ADAMTS12: variants seen among roughly 807,000 people sequenced by gnomAD.
ADAMTS12 encodes ADAM metallopeptidase with thrombospondin type 1 motif 12.
Under a neutral mutation model 167.8 loss-of-function variants are expected in ADAMTS12, and 118 were observed. The observed-to-expected ratio is 0.70, with a 90% CI of 0.61 to 0.82. ADAMTS12 has a LOEUF of 0.82. Among genes scored for constraint, ADAMTS12 ranks in the 40% least tolerant of loss-of-function variants. The pLI, the probability that ADAMTS12 is intolerant of heterozygous loss-of-function variation, is 0.00. For synonymous variants in ADAMTS12, 704 were observed against 716.9 expected, an observed-to-expected ratio of 0.98 and a Z score of 0.29; for missense variants, 1,916 against 1,998.8, an observed-to-expected ratio of 0.96 and a Z score of 0.79.
intron 2 of ADAMTS12, among the ~76,000 whole-genome samples, chr5:33,858,539 T>G (rs1053771272): frequency 2.6e-5 from 4 of 151,770 alleles, no homozygotes; most frequent in Non-Finnish European, 5.9e-5. Flanking sequence ...ACACCAGTAG[T>G]CGCAGCAACT....
chr5:33,805,938 AG>A (rs1747211864), intron 2 of ADAMTS12, among the ~76,000 whole-genome samples: 2 of 149,776 alleles, frequency 1.3e-5, no homozygotes, highest in Admixed American at 1.3e-4. Context: ...AAAAAAAAAA[AG>A]ACTTTGTAAA....
chr5:33,644,998 G>C (rs1740607252), intron 9 of ADAMTS12, among the ~76,000 whole-genome samples: 1 of 152,058 alleles, frequency 6.6e-6, no homozygotes, highest in Admixed American at 6.5e-5. Context: ...CCAAAGTGCT[G>C]GGATTACAGG....
At chr5:33,800,170 T>A (rs1446414680) in intron 2 of ADAMTS12, among the ~76,000 whole-genome samples, 3 of 152,200 alleles carry the variant, frequency 2.0e-5, no homozygotes, top group Non-Finnish European at 4.4e-5. Flanking sequence ...CACTTCAATT[T>A]GGTGAATAGC....
At chr5:33,654,651 C>T (rs1385133918) in intron 7 of ADAMTS12, among the ~76,000 whole-genome samples, 1 of 152,182 alleles carries the variant, frequency 6.6e-6, no homozygotes, top group Non-Finnish European at 1.5e-5. Context: ...GTCTTTTTGA[C>T]ACTACCCAAG....
intron 19 of ADAMTS12, among the ~76,000 whole-genome samples, chr5:33,566,181 C>G (rs1419562076): frequency 6.6e-6 from 1 of 152,106 alleles, no homozygotes; most frequent in Non-Finnish European, 1.5e-5. Context: ...AGCCAAAACC[C>G]AAATTGAATA....
At chr5:33,659,855 C>T (rs1196919068) in intron 6 of ADAMTS12, among the ~76,000 whole-genome samples, 1 of 152,188 alleles carries the variant, frequency 6.6e-6, no homozygotes, top group African/African-American at 2.4e-5. Flanking sequence ...TCATACCTCC[C>T]TCCCTTCGTG....
chr5:33,737,154 T>C (rs1330050478), intron 3 of ADAMTS12, among the ~76,000 whole-genome samples: 3 of 152,222 alleles, frequency 2.0e-5, no homozygotes, highest in Admixed American at 6.5e-5. Context: ...TTGTTCTTGT[T>C]ACTGTGCCAT....
In ADAMTS12 at chr5:33,653,689, C is replaced by T. The variant is rs144893293; in HGVS notation, c.1191-3992G>A. On this transcript the variant is annotated intron_variant, in intron 7 of 23. Coordinates refer to ENST00000504830, the MANE Select transcript of ADAMTS12 (RefSeq NM_030955.4). ...CCACTGTCACTCAAATAGTTTCCCTCCTATAGATGGGGTATCCTTTCTCTC... is the reference window on the plus strand; with the variant it reads ...CCACTGTCACTCAAATAGTTTCCCTTCTATAGATGGGGTATCCTTTCTCTC... Among the ~76,000 whole-genome samples, 321 of 152,212 alleles carry T rather than the reference C, an allele frequency of 2.1e-3. 2 individuals carry two copies. Among genetic ancestry groups the T allele is most frequent in the African/African-American group, 7.0e-3 (292 of 41,552 alleles).
chr5:33,767,473 T>TG (rs1745579211), intron 2 of ADAMTS12, among the ~76,000 whole-genome samples: 1 of 152,236 alleles, frequency 6.6e-6, no homozygotes, highest in African/African-American at 2.4e-5. Flanking sequence ...ATTAGCTGTG[T>TG]TATTTTTTGT....
At chr5:33,678,996 C>T (rs151105667) in intron 5 of ADAMTS12, among the ~76,000 whole-genome samples, 2 of 152,300 alleles carry the variant, frequency 1.3e-5, no homozygotes, top group East Asian at 1.9e-4. Context: ...ATCAGTGCAT[C>T]GAGATTTCTG....
At chr5:33,588,359 TG>T (rs1268265105) in intron 18 of ADAMTS12, among the ~76,000 whole-genome samples, 1 of 151,972 alleles carries the variant, frequency 6.6e-6, no homozygotes. Context: ...GTACTGGGAG[TG>T]GGGGGTCTAC....
At chr5:33,782,325 T>G (rs1746164062) in intron 2 of ADAMTS12, among the ~76,000 whole-genome samples, 1 of 151,134 alleles carries the variant, frequency 6.6e-6, no homozygotes, top group South Asian at 2.1e-4. Flanking sequence ...ACAGAAAAAA[T>G]TAAATGGCAC....
At chr5:33,650,771 TTC>T in intron 7 of ADAMTS12, among the ~76,000 whole-genome samples, 1 of 152,340 alleles carries the variant, frequency 6.6e-6, no homozygotes, top group African/African-American at 2.4e-5. Context: ...CAAAGACGTT[TTC>T]TGAGATTCCC....
intron 7 of ADAMTS12, among the ~76,000 whole-genome samples, chr5:33,655,980 G>C (rs10472230): frequency 0.18 from 27,774 of 152,044 alleles, 2,946 homozygotes; most frequent in Non-Finnish European, 0.24. Context: ...CGGTTCTCTA[G>C]TTCTGCCTTC....
At chr5:33,667,179 G>T (rs1016235709) in intron 5 of ADAMTS12, among the ~76,000 whole-genome samples, 3 of 151,900 alleles carry the variant, frequency 2.0e-5, no homozygotes, top group Non-Finnish European at 4.4e-5. Flanking sequence ...TTAGCTGGGC[G>T]TGGTGGTGCA....
intron 2 of ADAMTS12, among the ~76,000 whole-genome samples, chr5:33,788,831 ACT>A (rs1746428400): frequency 6.6e-6 from 1 of 152,076 alleles, no homozygotes; most frequent in African/African-American, 2.4e-5. Context: ...TCTTCCCATA[ACT>A]CTGTAAAAAG....
At chr5:33,773,784 T>C (rs570771323) in intron 2 of ADAMTS12, among the ~76,000 whole-genome samples, 5 of 152,172 alleles carry the variant, frequency 3.3e-5, no homozygotes, top group Admixed American at 6.5e-5. Context: ...TATGATAGAC[T>C]TTTTTTGCAT....
At chr5:33,533,147 C>T (rs904031975) in intron 23 of ADAMTS12, among the ~76,000 whole-genome samples, 9 of 152,154 alleles carry the variant, frequency 5.9e-5, no homozygotes, top group Non-Finnish European at 1.2e-4. Context: ...TGCATTTAAC[C>T]CTGTTTTGAT....
chr5:33,737,984 C>G (rs1744429209), intron 3 of ADAMTS12, among the ~76,000 whole-genome samples: 1 of 152,176 alleles, frequency 6.6e-6, no homozygotes, highest in South Asian at 2.1e-4. Context: ...GGACAGCTAG[C>G]TAGTTGGGAT....
Sources: gnomAD v4.1 joint callset for allele counts (sites outside exome capture counted in the v4.1 genomes callset) on GRCh38, gnomAD v4.1.1 for gene constraint, MANE v1.5 for transcripts, NCBI Gene and HGNC (gene_info 2026-07-23, HGNC 2026-07-21) for gene names.